Variants in ERGIC2 observed in about 807,000 individuals in gnomAD.
ERGIC2 encodes endoplasmic reticulum-Golgi intermediate compartment protein 2.
ERGIC2 carries 31 observed loss-of-function variants against 52.5 expected under a neutral mutation model. The ratio of observed to expected loss-of-function variants is 0.59; its 90% CI spans 0.44 to 0.80. The LOEUF (loss-of-function observed/expected upper bound fraction) is 0.80. Ranked by LOEUF, ERGIC2 falls within the 30% of genes least tolerant of loss-of-function variation. The pLI is 0.00. For missense variants in ERGIC2, 395 were observed against 455.2 expected (o/e 0.87, Z 1.20); for synonymous variants, 129 against 140.6 (o/e 0.92, Z 0.58).
intron 1 of ERGIC2, among the ~76,000 whole-genome samples, chr12:29,374,989 A>G (rs1024695064): frequency 6.6e-6 from 1 of 152,134 alleles, no homozygotes; most frequent in African/African-American, 2.4e-5. Context: ...CCCTTCAAAA[A>G]CCAGGTCCTG....
chr12:29,365,749 T>C (rs1418507277), intron 5 of ERGIC2, among the ~76,000 whole-genome samples: 1 of 151,430 alleles, frequency 6.6e-6, no homozygotes, highest in Non-Finnish European at 1.5e-5. Flanking sequence ...TATTAAAATA[T>C]CTAATAATAA....
intron 6 of ERGIC2, among the ~76,000 whole-genome samples, chr12:29,361,093 A>C (rs1372631289): frequency 1.3e-5 from 2 of 152,008 alleles, no homozygotes; most frequent in African/African-American, 4.8e-5. Context: ...CTAAAAATAC[A>C]AAAAATTAGC....
At chr12:29,372,173 C>T (rs1022873118) in intron 1 of ERGIC2, among the ~76,000 whole-genome samples, 1 of 151,906 alleles carries the variant, frequency 6.6e-6, no homozygotes, top group African/African-American at 2.4e-5. Context: ...AAAACCCCAT[C>T]TCTACTAAAA....
At chr12:29,359,471 G>A (rs1476072612) in intron 6 of ERGIC2, among the ~76,000 whole-genome samples, 1 of 151,986 alleles carries the variant, frequency 6.6e-6, no homozygotes, top group Non-Finnish European at 1.5e-5. Context: ...ACACATGAAA[G>A]TATGCAGAAA....
At chr12:29,376,975 G>A (rs1940523598) in intron 1 of ERGIC2, among the ~76,000 whole-genome samples, 1 of 152,112 alleles carries the variant, frequency 6.6e-6, no homozygotes, top group South Asian at 2.1e-4. Context: ...AGATATAACA[G>A]AGGTTGTTTT....
chr12:29,345,857 G>A (rs1044769915), intron 10 of ERGIC2, among the ~76,000 whole-genome samples: 5 of 152,056 alleles, frequency 3.3e-5, no homozygotes, highest in Admixed American at 2.0e-4. Context: ...TGAGGCAGGA[G>A]GATCATATGA....
In ERGIC2 at chr12:29,339,259, T is replaced by C. The variant is rs1312812157; in HGVS notation, c.*1897A>G. 3 of 152,182 alleles carry C rather than the reference T, an allele frequency of 2.0e-5. No individual in the cohort carries two copies. The highest frequency in any genetic ancestry group is 7.2e-5 in the African/African-American group (3 of 41,446). 9.4% of individuals were successfully genotyped at this position (152,182 alleles called of 1,614,324 possible). On this transcript the variant is annotated 3_prime_UTR_variant, in exon 14 of 14. Coordinates refer to ENST00000360150, the MANE Select transcript of ERGIC2 (RefSeq NM_016570.3). ...TACGAAAACAATTAAAAATCATATA[T>C]AAGTATCAAAATAATTTTTAAAGTC...
intron 8 of ERGIC2, among the ~76,000 whole-genome samples, chr12:29,352,663 C>CA (rs1012947654): frequency 6.6e-6 from 1 of 151,968 alleles, no homozygotes; most frequent in African/African-American, 2.4e-5. Flanking sequence ...GACTCTGTCT[C>CA]AAAAAAATAA....
intron 6 of ERGIC2, among the ~76,000 whole-genome samples, chr12:29,359,822 A>G (rs968408959): frequency 3.3e-4 from 50 of 152,242 alleles, no homozygotes; most frequent in Admixed American, 3.1e-3. Flanking sequence ...TAAAGCCTTT[A>G]TAAGTGCAAG....
At chr12:29,354,981 A>T (rs1337313128) in intron 8 of ERGIC2, among the ~76,000 whole-genome samples, 1 of 152,178 alleles carries the variant, frequency 6.6e-6, no homozygotes, top group East Asian at 1.9e-4. Context: ...GATAATGAGG[A>T]AAAAAACAAA....
At chr12:29,373,584 G>A (rs1320282418) in intron 1 of ERGIC2, among the ~76,000 whole-genome samples, 3 of 152,174 alleles carry the variant, frequency 2.0e-5, no homozygotes, top group Non-Finnish European at 4.4e-5. Context: ...CTAAAGGAAA[G>A]AAGCTCTGAC....
At chr12:29,346,470 G>A (rs1254656904) in intron 10 of ERGIC2, among the ~76,000 whole-genome samples, 1 of 152,036 alleles carries the variant, frequency 6.6e-6, no homozygotes, top group African/African-American at 2.4e-5. Context: ...GATTATAGGT[G>A]TGAGCCACTG....
chr12:29,342,956 T>C (rs1236066605), intron 12 of ERGIC2, among the ~76,000 whole-genome samples, 164 bp downstream of exon 12: 1 of 152,240 alleles, frequency 6.6e-6, no homozygotes, highest in Non-Finnish European at 1.5e-5. Flanking sequence ...AAATTAGTTA[T>C]GTTTACTGGT....
intron 8 of ERGIC2, among the ~76,000 whole-genome samples, chr12:29,352,297 C>T (rs1390050588): frequency 1.3e-5 from 2 of 152,030 alleles, no homozygotes; most frequent in Admixed American, 6.6e-5. Context: ...TTTTTGGACA[C>T]GAATTTAAAT....
At chr12:29,356,246 C>G in intron 8 of ERGIC2, 136 bp downstream of exon 8, 1 of 537,654 alleles carries the variant, frequency 1.9e-6, no homozygotes, top group East Asian at 3.4e-5. Context: ...AGTTCTTGAA[C>G]TCCTGACCTC....
In ERGIC2 at chr12:29,343,205, C is replaced by T. The variant is rs780740085; in HGVS notation, c.903G>A (p.Met301Ile). The change falls in exon 12 of 14, where the codon ATG (methionine) becomes ATA (isoleucine). Residue 301 changes from methionine (M) to isoleucine (I), a missense_variant. Physicochemically the swap from Met to Ile is conservative, Grantham distance 10. Transcript: ENST00000360150. ...GCATGTGCTCCTCAGTAACTGTCAC[C>T]ATAAGAGAACTGAGATCATATTTCA... ...IFMKYDLSSL[M>I]VTVTEEHMPF... 4 of 1,610,606 alleles carry T rather than the reference C, an allele frequency of 2.5e-6. No individual in the cohort carries two copies. Among genetic ancestry groups the T allele is most frequent in the Non-Finnish European group, 3.4e-6 (4 of 1,177,618 alleles).
chr12:29,356,843 T>G (rs1231179725), intron 7 of ERGIC2, among the ~76,000 whole-genome samples: 3 of 152,128 alleles, frequency 2.0e-5, no homozygotes. Flanking sequence ...GAAACATGAT[T>G]GAGGTAAAGG....
intron 3 of ERGIC2, among the ~76,000 whole-genome samples, chr12:29,368,705 T>C (rs1019125441): frequency 1.3e-5 from 2 of 151,974 alleles, no homozygotes; most frequent in African/African-American, 4.8e-5. Flanking sequence ...TGATGCTAGA[T>C]GTTCTACAAA....
rs949160764 is a variant in ERGIC2 at position 29,370,336 on chromosome 12, C to A, written c.107-114G>T. 34 of 1,212,396 alleles carry A rather than the reference C, an allele frequency of 2.8e-5. No individual in the cohort carries two copies. In the African/African-American group the frequency reaches 5.0e-4, roughly 18 times the overall value. 75.1% of individuals were successfully genotyped at this position (1,212,396 alleles called of 1,614,324 possible). ...CAAAAGAAAAAGCCTAATAATGTAA[C>A]TTCCATTTGAATGCATACTATAGAA... is the stretch of plus-strand genomic sequence containing the variant. On this transcript the variant is annotated intron_variant, in intron 2 of 13. Transcript: ENST00000360150.
Sources: gnomAD v4.1 joint callset for allele counts (sites outside exome capture counted in the v4.1 genomes callset) on GRCh38, gnomAD v4.1.1 for gene constraint, MANE v1.5 for transcripts, NCBI Gene and HGNC (gene_info 2026-07-23, HGNC 2026-07-21) for gene names.